HIC1: variants seen among roughly 807,000 people sequenced by gnomAD.
The protein encoded by HIC1 is HIC ZBTB transcriptional repressor 1.
Under a neutral mutation model 26.4 loss-of-function variants are expected in HIC1, and 9 were observed. That is an observed-to-expected ratio of 0.34 (90% confidence interval 0.21 to 0.59). The LOEUF (loss-of-function observed/expected upper bound fraction) is 0.59, where lower values mean the gene tolerates loss of function less well. Ranked by LOEUF, HIC1 falls within the 20% of genes least tolerant of loss-of-function variation. The pLI is 0.82. For missense variants in HIC1, 965 were observed against 1,075.7 expected (o/e 0.90, Z 1.44); for synonymous variants, 631 against 523.1 (o/e 1.21, Z -2.81).
chr17:2,056,430 C>G, intron 1 of HIC1: 1 of 1,461,496 alleles, frequency 6.8e-7, no homozygotes, highest in South Asian at 1.1e-5. Flanking sequence ...CTGGGGCGTG[C>G]AGGCCGCCCT....
rs1158215470 is a variant in HIC1 at position 2,057,777 on chromosome 17, G to T, written c.1087G>T (p.Gly363Cys). ...LGLAPPPRYP[G>C]SLDGPGAGGD... ...CCTGGCGCCGCCGCCGCGCTACCCT[G>T]GCAGCCTGGACGGGCCCGGCGCGGG... Residue 363 changes from glycine to cysteine, a missense_variant, in exon 2 of 2, where the codon GGC becomes TGC. By Grantham distance (159) the Gly-to-Cys change is radical. Around this residue, in one of 6 missense-constraint regions of HIC1, gnomAD observed 526 missense variants for 525.0 expected, o/e 1.00. Coordinates refer to ENST00000619757, the MANE Select transcript of HIC1 (RefSeq NM_006497.4). 65 of 1,503,686 alleles carry T rather than the reference G, an allele frequency of 4.3e-5. No homozygotes were observed. The highest frequency in any genetic ancestry group is 1.8e-4 in the Middle Eastern group (1 of 5,646). 93.1% of individuals were successfully genotyped at this position (1,503,686 alleles called of 1,614,324 possible).
rs541269091 is a variant in HIC1 at position 2,059,070 on chromosome 17, A to G, written c.*235A>G. 1.1e-5 allele frequency: 5 copies of G among 458,598 alleles called. No homozygotes were observed. Among genetic ancestry groups the G allele is most frequent in the Admixed American group, 4.5e-5 (1 of 22,432 alleles). The allele number at this position is 458,598 out of a possible 1,614,324, so 28.4% of individuals were successfully genotyped here. The stretch of plus-strand genomic sequence containing the variant: ...GGGGTAAGGGAAATTTATATTTTTG[A>G]TATCAGCTTTGACCAAAGGAGACCC... On this transcript the variant is annotated 3_prime_UTR_variant, in exon 2 of 2. Transcript: ENST00000619757.
rs1182541733 is a variant in HIC1, at chr17:2,062,683, G to A, written c.*3848G>A. ...CCCAGGCTGGGCATTTCCTGACAGA[G>A]GTCCAGGTCCGGCAGACAGCAAGGC... On this transcript the variant is annotated 3_prime_UTR_variant, in exon 2 of 2. Coordinates refer to ENST00000619757, the MANE Select transcript of HIC1 (RefSeq NM_006497.4). The A allele has an allele frequency of 6.6e-6, 1 of 152,276 alleles. No individual in the cohort carries two copies. Among genetic ancestry groups the A allele is most frequent in the Non-Finnish European group, 1.5e-5 (1 of 68,086 alleles). 9.4% of individuals were successfully genotyped at this position (152,276 alleles called of 1,614,324 possible). A position where few individuals can be genotyped will look rare whatever the true frequency, so the allele number is the denominator to read the frequency against.
At position 2,061,724 on chromosome 17, in the gene HIC1, C is replaced by T. The variant is rs778467121; in HGVS notation, c.*2889C>T. The stretch of plus-strand genomic sequence containing the variant: ...ATGTGGTCCTGGGGAGGGGGTGCCA[C>T]GCTAGCCGTGTCTTGGCTCTTCTAC... On this transcript the variant is annotated 3_prime_UTR_variant, in exon 2 of 2. Transcript: ENST00000619757. 3.1e-4 allele frequency: 417 copies of T among 1,333,542 alleles called. 3 individuals are homozygous for T. Among genetic ancestry groups the T allele is most frequent in the Middle Eastern group, 3.8e-4 (2 of 5,220 alleles). The allele number at this position is 1,333,542 out of a possible 1,614,324, so 82.6% of individuals were successfully genotyped here. A position where few individuals can be genotyped will look rare whatever the true frequency, so the allele number is the denominator to read the frequency against.
Position 2,057,348 on chromosome 17 carries a change from C to T in HIC1, c.658C>T (p.Leu220Phe). 6.7e-7 allele frequency: 1 copy of T among 1,497,552 alleles called. No homozygotes were observed. Among genetic ancestry groups the T allele is most frequent in the African/African-American group, 1.4e-5 (1 of 69,338 alleles). 92.8% of individuals were successfully genotyped at this position (1,497,552 alleles called of 1,614,324 possible). Residue 220 changes from leucine (L) to phenylalanine (F), a missense_variant, in exon 2 of 2, where the codon CTT becomes TTT. Leu to Phe is a conservative substitution (Grantham distance 22). This residue lies in a region of HIC1 where 526 missense variants were observed against 525.0 expected (regional missense o/e 1.00). Transcript: ENST00000619757. ...LCASERRCSP[L>F]CGLDLSKKSP... ...TGCCTCGGAGCGCCGCTGCTCCCCT[C>T]TTTGTGGCCTGGACCTGTCCAAGAA...
In HIC1 at chr17:2,058,522, G is replaced by A. The variant is rs754336125; in HGVS notation, c.1832G>A (p.Gly611Glu). The change falls in exon 2 of 2, where the codon GGG becomes GAG. Residue 611 changes from glycine (G) to glutamate (E), a missense_variant. Gly to Glu is a moderately conservative substitution (Grantham distance 98). Transcript: ENST00000619757. Reference protein sequence around the residue: ...GAAGALAGLGGLPGVPGPDGK... With the variant: ...GAAGALAGLGELPGVPGPDGK... ...GCCGGGGCGCTGGCGGGCTTGGGGG[G>A]GCTCCCCGGCGTCCCCGGCCCCGAC... 1.4e-4 allele frequency: 207 copies of A among 1,495,298 alleles called. No individual in the cohort carries two copies. The highest frequency in any genetic ancestry group is 1.7e-4 in the Non-Finnish European group (195 of 1,127,828). 92.6% of individuals were successfully genotyped at this position (1,495,298 alleles called of 1,614,324 possible). A position where few individuals can be genotyped will look rare whatever the true frequency, so the allele number is the denominator to read the frequency against.
chr17:2,056,583 AG>A (rs2067674646), intron 1 of HIC1, 87 bp from the exon 2 acceptor site: 1 of 1,443,604 alleles, frequency 6.9e-7, no homozygotes. Flanking sequence ...AGCTGAGGGA[AG>A]GGGAAGTGGA....
Position 2,057,084 on chromosome 17 carries a change from C to T in HIC1, c.394C>T (p.Arg132Cys), listed in dbSNP as rs1287225276. The T allele has an allele frequency of 2.9e-6, 4 of 1,402,226 alleles. No individual in the cohort carries two copies. In the East Asian group the frequency reaches 1.2e-4, roughly 42 times the overall value. The allele number at this position is 1,402,226 out of a possible 1,614,324, so 86.9% of individuals were successfully genotyped here. A position where few individuals can be genotyped will look rare whatever the true frequency, so the allele number is the denominator to read the frequency against. The change falls in exon 2 of 2, where the codon CGC becomes TGC. Residue 132 changes from arginine to cysteine, a missense_variant. Physicochemically the swap from Arg to Cys is radical, Grantham distance 180 (BLOSUM62 -3). Coordinates refer to ENST00000619757, the MANE Select transcript of HIC1 (RefSeq NM_006497.4). ...GGCGCTGTGCAAGAAACGCCTCAAG[C>T]GCCACGGCAAGTACTGCCACCTGCG... ...LVALCKKRLK[R>C]HGKYCHLRGG...
In HIC1 at chr17:2,058,071, G is replaced by T. The variant is rs1157269159; in HGVS notation, c.1381G>T (p.Ala461Ser). ...GGCGGCCGAAGTGGCCGCTGGGGCC[G>T]CCGGCCTAGGGCCCCCTTTTGGAGG... ...AEAAEVAAGAAGLGPPFGGGG... is the reference protein window; with the variant it reads ...AEAAEVAAGASGLGPPFGGGG... Residue 461 changes from alanine (A) to serine (S), a missense_variant, in exon 2 of 2, where the codon GCC becomes TCC. By Grantham distance (99) the Ala-to-Ser change is moderately conservative. Coordinates refer to ENST00000619757, the MANE Select transcript of HIC1 (RefSeq NM_006497.4). 2.5e-6 allele frequency: 4 copies of T among 1,580,664 alleles called. No individual in the cohort carries two copies. Among genetic ancestry groups the T allele is most frequent in the African/African-American group, 1.3e-5 (1 of 74,268 alleles).
rs1279206996 is a variant in HIC1, at chr17:2,061,680, G to A, written c.*2845G>A. ...GAGGACAGGAGGCAGAGGGCTGGCT[G>A]CTCTTCTCACCCTGGAGAATGTGGT... On this transcript the variant is annotated 3_prime_UTR_variant, in exon 2 of 2. Coordinates refer to ENST00000619757, the MANE Select transcript of HIC1 (RefSeq NM_006497.4). The A allele has an allele frequency of 3.3e-6, 5 of 1,531,506 alleles. No individual in the cohort carries two copies. The highest frequency in any genetic ancestry group is 4.4e-6 in the Non-Finnish European group (5 of 1,134,210). The allele number at this position is 1,531,506 out of a possible 1,614,324, so 94.9% of individuals were successfully genotyped here. A position where few individuals can be genotyped will look rare whatever the true frequency, so the allele number is the denominator to read the frequency against.
Position 2,061,462 on chromosome 17 carries a change from C to A in HIC1, c.*2627C>A, listed in dbSNP as rs1311525493. 1.4e-6 allele frequency: 2 copies of A among 1,457,960 alleles called. No individual in the cohort carries two copies. The highest frequency in any genetic ancestry group is 2.0e-5 in the African/African-American group (1 of 48,832). The allele number at this position is 1,457,960 out of a possible 1,614,324, so 90.3% of individuals were successfully genotyped here. Reference sequence around the variant, plus strand: ...GCCTGGTGGCCTTTCAGGAACGGTTCCACGGGGGGGGGGCCCCAGTGTGGC... The same window carrying A: ...GCCTGGTGGCCTTTCAGGAACGGTTACACGGGGGGGGGGCCCCAGTGTGGC... On this transcript the variant is annotated 3_prime_UTR_variant, in exon 2 of 2. Transcript: ENST00000619757.
In HIC1 at chr17:2,058,997, G is replaced by C; in HGVS notation, c.*162G>C. ...CGGCCTCACCTGGCCTCACTGCTTC[G>C]TGCCTTAGCTCGGGGGTCGGGGGAG... On this transcript the variant is annotated 3_prime_UTR_variant, in exon 2 of 2. Coordinates refer to ENST00000619757, the MANE Select transcript of HIC1 (RefSeq NM_006497.4). 1.7e-6 allele frequency: 1 copy of C among 596,752 alleles called. No individual in the cohort carries two copies. Among genetic ancestry groups the C allele is most frequent in the Non-Finnish European group, 2.7e-6 (1 of 368,594 alleles). 37.0% of individuals were successfully genotyped at this position (596,752 alleles called of 1,614,324 possible).
chr17:2,058,289 C>T lies in HIC1; in HGVS notation c.1599C>T (p.Arg533=), dbSNP rs1161621224. The T allele has an allele frequency of 3.1e-6, 5 of 1,609,826 alleles. No homozygotes were observed. The South Asian group carries it at 5.5e-5, about 18-fold the overall frequency. ...TCACGCAGCGTGGGACCATGACGCG[C>T]CACATGCGCAGCCACCTGGGCCTCA... ...KKFTQRGTMT[R]HMRSHLGLKP... Residue 533 remains arginine, a synonymous_variant, in exon 2 of 2, where the codon CGC becomes CGT. Coordinates refer to ENST00000619757, the MANE Select transcript of HIC1 (RefSeq NM_006497.4).
rs2067768819 is a variant in HIC1 at position 2,061,377 on chromosome 17, T to G, written c.*2542T>G. ...CGTGGCGTGGGTTGGAAGAGGATGG[T>G]TTATTGTCTGGGTGGATTGGTGGCT... is the stretch of plus-strand genomic sequence containing the variant. On this transcript the variant is annotated 3_prime_UTR_variant, in exon 2 of 2. Coordinates refer to ENST00000619757, the MANE Select transcript of HIC1 (RefSeq NM_006497.4). 1 of 1,039,158 alleles carries G rather than the reference T, an allele frequency of 9.6e-7. No individual in the cohort carries two copies. The allele number at this position is 1,039,158 out of a possible 1,614,324, so 64.4% of individuals were successfully genotyped here. A position where few individuals can be genotyped will look rare whatever the true frequency, so the allele number is the denominator to read the frequency against.
Position 2,061,474 on chromosome 17 carries a change from G to GT in HIC1, c.*2639_*2640insT. On this transcript the variant is annotated 3_prime_UTR_variant, in exon 2 of 2. Coordinates refer to ENST00000619757, the MANE Select transcript of HIC1 (RefSeq NM_006497.4). ...TTCAGGAACGGTTCCACGGGGGGGG[G>GT]GCCCCAGTGTGGCTCCCTCAGCCCA... 1.3e-6 allele frequency: 2 copies of GT among 1,566,512 alleles called. No individual in the cohort carries two copies. Among genetic ancestry groups the GT allele is most frequent in the East Asian group, 2.3e-5 (1 of 42,602 alleles).
At position 2,057,174 on chromosome 17, in the gene HIC1, G is replaced by T; in HGVS notation, c.484G>T (p.Ala162Ser). ...TCGGCCGGGCCGGGGCCTGCGGGCC[G>T]CCACGCCGGTCATCCAGGCCTGCTA... ...YGRPGRGLRAATPVIQACYPS... is the reference protein window; with the variant it reads ...YGRPGRGLRASTPVIQACYPS... Residue 162 changes from alanine to serine, a missense_variant, in exon 2 of 2, where the codon GCC (alanine) becomes TCC (serine). Transcript: ENST00000619757. The T allele has an allele frequency of 7.5e-7, 1 of 1,330,446 alleles. No individual in the cohort carries two copies. The highest frequency in any genetic ancestry group is 1.9e-5 in the South Asian group (1 of 51,910). The allele number at this position is 1,330,446 out of a possible 1,614,324, so 82.4% of individuals were successfully genotyped here. A position where few individuals can be genotyped will look rare whatever the true frequency, so the allele number is the denominator to read the frequency against.
Position 2,056,997 on chromosome 17 carries a change from G to C in HIC1, c.307G>C (p.Ala103Pro), listed in dbSNP as rs1357790289. The change falls in exon 2 of 2, where the codon GCT becomes CCT. Residue 103 changes from alanine (A) to proline (P), a missense_variant. Around this residue, in one of 6 missense-constraint regions of HIC1, gnomAD observed 526 missense variants for 525.0 expected, o/e 1.00. Coordinates refer to ENST00000619757, the MANE Select transcript of HIC1 (RefSeq NM_006497.4). ...TGCGGCCGCGGCCGTGGCCCCGGGGGCTGAGCCGAGCCTGGGCGCCGTGCT... is the reference window on the plus strand; with the variant it reads ...TGCGGCCGCGGCCGTGGCCCCGGGGCCTGAGCCGAGCCTGGGCGCCGTGCT... ...AAAAAAVAPG[A>P]EPSLGAVLAA... The C allele has an allele frequency of 1.2e-5, 19 of 1,531,328 alleles. No homozygotes were observed. Among genetic ancestry groups the C allele is most frequent in the Non-Finnish European group, 1.7e-5 (19 of 1,143,838 alleles). 94.9% of individuals were successfully genotyped at this position (1,531,328 alleles called of 1,614,324 possible).
Position 2,057,257 on chromosome 17 carries a change from G to C in HIC1, c.567G>C (p.Glu189Asp), listed in dbSNP as rs2067680855. The C allele has an allele frequency of 1.2e-5, 17 of 1,453,092 alleles. No homozygotes were observed. The highest frequency in any genetic ancestry group is 1.4e-5 in the Non-Finnish European group (16 of 1,107,364). 90.0% of individuals were successfully genotyped at this position (1,453,092 alleles called of 1,614,324 possible). A position where few individuals can be genotyped will look rare whatever the true frequency, so the allele number is the denominator to read the frequency against. The change falls in exon 2 of 2, where the codon GAG (glutamate) becomes GAC (aspartate). Residue 189 changes from glutamate to aspartate, a missense_variant. Transcript: ENST00000619757. ...CCGCGGAGCCGCCCTCGGGCCCAGA[G>C]GCCGCGGTCAACACGCACTGCGCCG... ...PPAAEPPSGP[E>D]AAVNTHCAEL...
rs1179997951 is a variant in HIC1 at position 2,055,790 on chromosome 17, C to T, written c.-21+552C>T. ...CTGGGGCCGGCGCACTCCTCCCGCC[C>T]TGTCTGCAGTTGGAAAACTTTTCCC... On this transcript the variant is annotated intron_variant, in intron 1 of 1. Transcript: ENST00000619757. The surrounding 1 kb of genome is among the most constrained non-coding windows in gnomAD (Gnocchi z 6.4). Among the ~76,000 whole-genome samples, 3 of 151,694 alleles carry T rather than the reference C, an allele frequency of 2.0e-5. No individual in the cohort carries two copies. Among genetic ancestry groups the T allele is most frequent in the African/African-American group, 4.8e-5 (2 of 41,366 alleles).
Sources: allele counts gnomAD v4.1 joint callset (sites outside exome capture counted in the v4.1 genomes callset), GRCh38; gene constraint gnomAD v4.1.1; regional missense constraint gnomAD v4.1.1; non-coding constraint Gnocchi (gnomAD v3.1); transcripts MANE v1.5; gene names NCBI Gene and HGNC (gene_info 2026-07-23, HGNC 2026-07-21).